Variants in USH2A observed in about 807,000 individuals in gnomAD.
USH2A encodes usherin, also known as Usher syndrome 2A (autosomal recessive, mild).
A neutral mutation model predicts 538.9 loss-of-function variants in USH2A; 443 were observed. The observed-to-expected ratio is 0.82, with a 90% CI of 0.76 to 0.89. The LOEUF is 0.89. Ranked by LOEUF, USH2A falls within the 40% of genes least tolerant of loss-of-function variation. The pLI, the probability that USH2A is intolerant of heterozygous loss-of-function variation, is 0.00. For missense variants in USH2A, 6,633 were observed against 6,324.8 expected (o/e 1.05, Z -1.65); for synonymous variants, 2,413 against 2,273.5 (o/e 1.06, Z -1.75).
intron 21 of USH2A, among the ~76,000 whole-genome samples, chr1:216,172,722 T>C (rs2034295563): frequency 1.3e-5 from 2 of 152,106 alleles, no homozygotes; most frequent in East Asian, 1.9e-4. Flanking sequence ...GGGATACAAA[T>C]AAATGAATAA....
Position 215,897,313 on chromosome 1 carries a change from T to C in USH2A, c.7594+2762A>G, listed in dbSNP as rs1262132222. On this transcript the variant is annotated intron_variant, in intron 40 of 71. Coordinates refer to ENST00000307340, the MANE Select transcript of USH2A (RefSeq NM_206933.4). ...GCTGATGCAGAAAGGTGCCTGTTGATGGTATGGAATTTAAATGTGGGCACG... is the reference window on the plus strand; with the variant it reads ...GCTGATGCAGAAAGGTGCCTGTTGACGGTATGGAATTTAAATGTGGGCACG... 3.3e-5 allele frequency among the ~76,000 whole-genome samples: 5 copies of C among 152,122 alleles called. No individual in the cohort carries two copies. In the East Asian group the frequency reaches 9.6e-4, roughly 29 times the overall value.
At chr1:215,953,248 G>A (rs1339732507) in intron 37 of USH2A, among the ~76,000 whole-genome samples, 2 of 152,060 alleles carry the variant, frequency 1.3e-5, no homozygotes, top group East Asian at 1.9e-4. Flanking sequence ...AAAAGAGCCC[G>A]CATTGCCAAG....
At chr1:216,315,685 G>A (rs968963809) in intron 9 of USH2A, among the ~76,000 whole-genome samples, 1 of 152,068 alleles carries the variant, frequency 6.6e-6, no homozygotes, top group African/African-American at 2.4e-5. Flanking sequence ...TACACAAATT[G>A]TCTTTATATT....
intron 20 of USH2A, among the ~76,000 whole-genome samples, chr1:216,186,681 G>T (rs1572030195): frequency 6.6e-6 from 1 of 151,918 alleles, no homozygotes; most frequent in East Asian, 1.9e-4. Context: ...TGCAATTTCT[G>T]CTCCTGGATG....
At chr1:216,228,432 T>C (rs948257666) in intron 14 of USH2A, among the ~76,000 whole-genome samples, 3 of 152,156 alleles carry the variant, frequency 2.0e-5, no homozygotes, top group Non-Finnish European at 2.9e-5. Context: ...TCATCTTGAA[T>C]TGTAACTCCC....
chr1:215,718,548 T>C (rs1478228389), intron 61 of USH2A, among the ~76,000 whole-genome samples: 2 of 152,210 alleles, frequency 1.3e-5, no homozygotes, highest in African/African-American at 4.8e-5. Flanking sequence ...AACCTCTTGC[T>C]CTAATGCAAT....
chr1:216,055,448 T>C (rs1190104007), intron 30 of USH2A, among the ~76,000 whole-genome samples: 1 of 152,194 alleles, frequency 6.6e-6, no homozygotes, highest in Non-Finnish European at 1.5e-5. Flanking sequence ...GCTGCAGTGC[T>C]GATAAAATCT....
chr1:215,974,778 G>A (rs1269804282), intron 35 of USH2A, among the ~76,000 whole-genome samples: 1 of 152,046 alleles, frequency 6.6e-6, no homozygotes, highest in Non-Finnish European at 1.5e-5. Context: ...CTTTGCTCTT[G>A]TGACTAGTAC....
chr1:216,279,228 T>C (rs563453752), intron 11 of USH2A, among the ~76,000 whole-genome samples: 28 of 152,190 alleles, frequency 1.8e-4, no homozygotes, highest in Non-Finnish European at 3.5e-4. Flanking sequence ...TTAATTCCCT[T>C]ATTTGTTGTT....
intron 21 of USH2A, among the ~76,000 whole-genome samples, chr1:216,137,976 A>G (rs1571991211): frequency 6.6e-6 from 1 of 152,214 alleles, no homozygotes; most frequent in Non-Finnish European, 1.5e-5. Flanking sequence ...CGACAAGATG[A>G]AAACTTTCAT....
At chr1:215,993,615 G>C (rs968464895) in intron 34 of USH2A, among the ~76,000 whole-genome samples, 2 of 152,032 alleles carry the variant, frequency 1.3e-5, no homozygotes, top group Admixed American at 1.3e-4. Flanking sequence ...GACTTCTAGG[G>C]AAGAAAAGAT....
chr1:216,211,632 CT>C (rs1403643020), intron 15 of USH2A, among the ~76,000 whole-genome samples: 1 of 152,110 alleles, frequency 6.6e-6, no homozygotes, highest in Non-Finnish European at 1.5e-5. Context: ...CTCCTTTTGT[CT>C]TTTTCTTCTT....
At chr1:216,299,651 G>T (rs965991254) in intron 9 of USH2A, among the ~76,000 whole-genome samples, 1 of 152,040 alleles carries the variant, frequency 6.6e-6, no homozygotes, top group Non-Finnish European at 1.5e-5. Flanking sequence ...TACATCATTT[G>T]CATGTAACAT....
At chr1:216,305,605 C>T (rs2102629555) in intron 9 of USH2A, among the ~76,000 whole-genome samples, 1 of 151,732 alleles carries the variant, frequency 6.6e-6, no homozygotes, top group East Asian at 1.9e-4. Context: ...TTTATAGGTC[C>T]TGTGAGATTT....
chr1:216,380,836 T>C (rs1391889740), intron 3 of USH2A, among the ~76,000 whole-genome samples: 1 of 152,162 alleles, frequency 6.6e-6, no homozygotes, highest in Non-Finnish European at 1.5e-5. Context: ...CTATCACATA[T>C]CACTTTTTCT....
intron 35 of USH2A, among the ~76,000 whole-genome samples, chr1:215,988,410 C>T (rs1377412604): frequency 6.6e-6 from 1 of 152,196 alleles, no homozygotes; most frequent in African/African-American, 2.4e-5. Flanking sequence ...AAATATATCA[C>T]ATTTTGCTTA....
At chr1:216,208,479 T>C (rs990658498) in intron 15 of USH2A, among the ~76,000 whole-genome samples, 6 of 152,094 alleles carry the variant, frequency 3.9e-5, no homozygotes, top group Non-Finnish European at 1.5e-5. Flanking sequence ...CTACAGTCAC[T>C]AGAAGCCTCA....
At chr1:216,352,381 T>G (rs1034207395) in intron 4 of USH2A, among the ~76,000 whole-genome samples, 1 of 152,150 alleles carries the variant, frequency 6.6e-6, no homozygotes, top group Non-Finnish European at 1.5e-5. Context: ...AGCGATCAAC[T>G]CCATTAAATG....
chr1:216,218,097 TG>T (rs2035379707), intron 14 of USH2A, among the ~76,000 whole-genome samples: 1 of 152,160 alleles, frequency 6.6e-6, no homozygotes, highest in Non-Finnish European at 1.5e-5. Context: ...CAAATATTTT[TG>T]ATGCCTTAAT....
Sources: allele counts gnomAD v4.1 joint callset (sites outside exome capture counted in the v4.1 genomes callset), GRCh38; gene constraint gnomAD v4.1.1; transcripts MANE v1.5; gene names NCBI Gene and HGNC (gene_info 2026-07-23, HGNC 2026-07-21).